The following STK32B variants were observed in gnomAD, a reference collection of about 807,000 sequenced individuals.
The protein encoded by STK32B is serine/threonine-protein kinase 32B.
STK32B carries 43 observed loss-of-function variants against 52.6 expected under a neutral mutation model. The ratio of observed to expected loss-of-function variants is 0.82; its 90% CI spans 0.64 to 1.05. The LOEUF is 1.05. STK32B is among the 50% of genes least tolerant of loss of function. The pLI is 0.00. For synonymous variants in STK32B, 238 were observed against 204.3 expected (o/e 1.17, Z -1.41); for missense variants, 621 against 534.6 (o/e 1.16, Z -1.59).
In STK32B at chr4:5,335,220, C is replaced by T. The variant is rs376734353; in HGVS notation, c.434+3827C>T. On this transcript the variant is annotated intron_variant, in intron 4 of 11. Coordinates refer to ENST00000282908, the MANE Select transcript of STK32B (RefSeq NM_018401.3). Reference sequence around the variant, plus strand: ...TTTAGTCTTGGGAGGGTGTATGTGTCGAGGAATTTATCCATTTCTTCTAGA... The same window carrying T: ...TTTAGTCTTGGGAGGGTGTATGTGTTGAGGAATTTATCCATTTCTTCTAGA... Among the ~76,000 whole-genome samples, 369 of 152,178 alleles carry T rather than the reference C, an allele frequency of 2.4e-3. 2 individuals are homozygous for T. The highest frequency in any genetic ancestry group is 0.011 in the East Asian group (55 of 5,184).
intron 5 of STK32B, among the ~76,000 whole-genome samples, chr4:5,407,750 A>G (rs1402294390): frequency 1.3e-5 from 2 of 152,144 alleles, no homozygotes; most frequent in Non-Finnish European, 2.9e-5. Context: ...ATCCAACCCC[A>G]TAATCCAATC....
chr4:5,272,613 A>G (rs954005532), intron 3 of STK32B, among the ~76,000 whole-genome samples: 13 of 152,208 alleles, frequency 8.5e-5, no homozygotes. Context: ...ACAGTAACCA[A>G]AACAGCATGG....
intron 11 of STK32B, among the ~76,000 whole-genome samples, chr4:5,474,160 G>A (rs141382117): frequency 1.4e-4 from 22 of 152,256 alleles, no homozygotes; most frequent in African/African-American, 4.6e-4. Flanking sequence ...ATCTGCTTAG[G>A]TGGCCTCCCT....
chr4:5,059,780 A>G (rs980081889), intron 1 of STK32B, among the ~76,000 whole-genome samples: 2 of 152,230 alleles, frequency 1.3e-5, no homozygotes, highest in African/African-American at 2.4e-5. Flanking sequence ...CAAGGCTCAG[A>G]TATCTTCATA....
chr4:5,044,471 C>A, the STK32B span, among the ~76,000 whole-genome samples: 1 of 152,172 alleles, frequency 6.6e-6, no homozygotes, highest in Non-Finnish European at 1.5e-5. Flanking sequence ...ACACAGGGAT[C>A]CAGCCCCACC....
intron 3 of STK32B, among the ~76,000 whole-genome samples, chr4:5,193,331 A>G (rs1253335064): frequency 6.6e-6 from 1 of 152,188 alleles, no homozygotes; most frequent in African/African-American, 2.4e-5. Context: ...GCAAATGTGA[A>G]TGAAAGGGAA....
intron 3 of STK32B, among the ~76,000 whole-genome samples, chr4:5,324,238 C>A (rs959595097): frequency 6.6e-6 from 1 of 152,132 alleles, no homozygotes; most frequent in Non-Finnish European, 1.5e-5. Context: ...CCTGTAATCC[C>A]AGCTACTGGG....
intron 3 of STK32B, among the ~76,000 whole-genome samples, chr4:5,214,919 G>A (rs974232011): frequency 6.6e-6 from 1 of 152,188 alleles, no homozygotes; most frequent in Non-Finnish European, 1.5e-5. Context: ...CTGAGATTTT[G>A]TGTCTCCAGA....
chr4:5,412,071 T>A (rs566240855), intron 5 of STK32B, among the ~76,000 whole-genome samples: 2 of 152,176 alleles, frequency 1.3e-5, no homozygotes, highest in South Asian at 2.1e-4. Context: ...GGAAATGAGA[T>A]GAATTTCCAT....
At chr4:5,301,941 G>T (rs1729586138) in intron 3 of STK32B, among the ~76,000 whole-genome samples, 1 of 150,926 alleles carries the variant, frequency 6.6e-6, no homozygotes, top group Non-Finnish European at 1.5e-5. Context: ...TACTGATAAG[G>T]TATTATTTAT....
intron 3 of STK32B, among the ~76,000 whole-genome samples, chr4:5,172,044 C>T (rs1345293698): frequency 1.3e-5 from 2 of 151,892 alleles, no homozygotes; most frequent in Non-Finnish European, 2.9e-5. Flanking sequence ...AGCTGGATTC[C>T]TAGGTATTTT....
chr4:5,331,656 A>G (rs1342140848), intron 4 of STK32B, among the ~76,000 whole-genome samples: 1 of 152,150 alleles, frequency 6.6e-6, no homozygotes, highest in Non-Finnish European at 1.5e-5. Flanking sequence ...CAGTATGCCT[A>G]GGGAAGCTGG....
At chr4:5,106,293 T>G (rs1257653380) in intron 1 of STK32B, among the ~76,000 whole-genome samples, 1 of 152,092 alleles carries the variant, frequency 6.6e-6, no homozygotes, top group Non-Finnish European at 1.5e-5. Flanking sequence ...AGAGTGAGAC[T>G]CCATCTCAAA....
chr4:5,209,839 T>C (rs1157582791), intron 3 of STK32B, among the ~76,000 whole-genome samples: 2 of 152,128 alleles, frequency 1.3e-5, no homozygotes, highest in East Asian at 3.9e-4. Flanking sequence ...TGTCCAAAAC[T>C]GCAACATCGA....
intron 1 of STK32B, among the ~76,000 whole-genome samples, chr4:5,083,847 C>G (rs923987732): frequency 6.6e-6 from 1 of 151,796 alleles, no homozygotes; most frequent in Non-Finnish European, 1.5e-5. Flanking sequence ...AGCAATTGTG[C>G]TGCGTTGGCC....
intron 3 of STK32B, among the ~76,000 whole-genome samples, chr4:5,326,515 G>T (rs1200940232): frequency 4.6e-5 from 7 of 152,116 alleles, no homozygotes; most frequent in Admixed American, 4.6e-4. Flanking sequence ...TTCCCTCTCT[G>T]CAGGTTCTCT....
chr4:5,458,149 C>T (rs982514726), intron 8 of STK32B, among the ~76,000 whole-genome samples: 10 of 152,270 alleles, frequency 6.6e-5, no homozygotes, highest in African/African-American at 2.2e-4. Context: ...CTGGGGTGGG[C>T]CCCACTGTCT....
intron 4 of STK32B, among the ~76,000 whole-genome samples, chr4:5,371,424 G>A (rs908733424): frequency 1.3e-5 from 2 of 152,168 alleles, no homozygotes; most frequent in African/African-American, 4.8e-5. Context: ...ACTGGATTTA[G>A]CAAACCAAAG....
At chr4:5,365,661 T>G (rs148512678) in intron 4 of STK32B, among the ~76,000 whole-genome samples, 5 of 152,296 alleles carry the variant, frequency 3.3e-5, no homozygotes, top group Non-Finnish European at 7.4e-5. Flanking sequence ...ACAAAGAGTT[T>G]CTATTGAAAG....
Sources: allele counts gnomAD v4.1 joint callset (sites outside exome capture counted in the v4.1 genomes callset), GRCh38; gene constraint gnomAD v4.1.1; transcripts MANE v1.5; gene names NCBI Gene and HGNC (gene_info 2026-07-23, HGNC 2026-07-21).